NTRK3: variants seen among roughly 807,000 people sequenced by gnomAD.
NTRK3 encodes NT-3 growth factor receptor.
NTRK3 carries 24 observed loss-of-function variants against 91.7 expected under a neutral mutation model. That is an observed-to-expected ratio of 0.26 (90% CI 0.19 to 0.37). The LOEUF is 0.37. NTRK3 is among the 10% of genes least tolerant of loss of function. The pLI is 1.00. For synonymous variants in NTRK3, 483 were observed against 404.0 expected, an observed-to-expected ratio of 1.20 and a Z score of -2.34; for missense variants, 880 against 1,068.9, an observed-to-expected ratio of 0.82 and a Z score of 2.46.
chr15:88,025,690 C>T (rs1259474185), intron 14 of NTRK3, among the ~76,000 whole-genome samples: 1 of 152,180 alleles, frequency 6.6e-6, no homozygotes, highest in Non-Finnish European at 1.5e-5. Flanking sequence ...ACCTTGATTT[C>T]AGACTTTGGG....
chr15:88,230,587 T>C (rs961697079), intron 3 of NTRK3, among the ~76,000 whole-genome samples: 1 of 152,214 alleles, frequency 6.6e-6, no homozygotes, highest in African/African-American at 2.4e-5. Flanking sequence ...CATTTTAATT[T>C]TTCTCATTAT....
intron 13 of NTRK3, among the ~76,000 whole-genome samples, chr15:88,094,332 G>A (rs901926390): frequency 4.6e-5 from 7 of 151,852 alleles, no homozygotes; most frequent in East Asian, 1.9e-4. Context: ...AGCCGGGCGC[G>A]GTGGCGGGCG....
chr15:87,895,714 T>A (rs1040979872), intron 17 of NTRK3, among the ~76,000 whole-genome samples: 1 of 152,064 alleles, frequency 6.6e-6, no homozygotes, highest in Non-Finnish European at 1.5e-5. Context: ...ACCTGCTCGC[T>A]CTCTGAAGTC....
In NTRK3 at chr15:87,880,192, C is replaced by T. The variant is rs188320359; in HGVS notation, c.2292+78G>A. On this transcript the variant is annotated intron_variant, in intron 18 of 18. Transcript: ENST00000394480. ...TCTAAATCCCACCTAATGTCTTGTTCAGTAGGTCCAAGTTCTGGGCTGAGA... is the reference window on the plus strand; with the variant it reads ...TCTAAATCCCACCTAATGTCTTGTTTAGTAGGTCCAAGTTCTGGGCTGAGA... 2,691 of 1,579,830 alleles carry T rather than the reference C, an allele frequency of 1.7e-3. 8 individuals carry two copies. The highest frequency in any genetic ancestry group is 2.1e-3 in the Admixed American group (128 of 59,974).
chr15:88,235,282 G>A lies in NTRK3; in HGVS notation c.248+20624C>T, dbSNP rs1413501379. On this transcript the variant is annotated intron_variant, in intron 3 of 18. Transcript: ENST00000394480. This position sits in a 1 kb window ranked among gnomAD's most constrained non-coding sequence, Gnocchi z 5.2. ...ACCAACATGAATGAGTAAGGCCTGT[G>A]TCGCTGTCTACCCTACCCACAATAG... is the stretch of plus-strand genomic sequence containing the variant. 6.6e-6 allele frequency among the ~76,000 whole-genome samples: 1 copy of A among 152,196 alleles called. No homozygotes were observed. Among genetic ancestry groups the A allele is most frequent in the Non-Finnish European group, 1.5e-5 (1 of 68,036 alleles).
chr15:88,123,232 A>C (rs984418349), intron 13 of NTRK3, among the ~76,000 whole-genome samples: 1 of 152,172 alleles, frequency 6.6e-6, no homozygotes, highest in Non-Finnish European at 1.5e-5. Flanking sequence ...GGGAGGTAGT[A>C]TTATTACCAT....
intron 6 of NTRK3, among the ~76,000 whole-genome samples, chr15:88,145,342 G>A (rs2042791323): frequency 6.6e-6 from 1 of 152,176 alleles, no homozygotes; most frequent in African/African-American, 2.4e-5. Flanking sequence ...GCTCCTTAGA[G>A]GGGGGCTTCT....
At chr15:87,919,245 C>T (rs1016253956) in intron 17 of NTRK3, among the ~76,000 whole-genome samples, 2 of 152,188 alleles carry the variant, frequency 1.3e-5, no homozygotes, top group African/African-American at 2.4e-5. Context: ...TTGGCTTCTA[C>T]TCCTGCATTC....
exon 1 of NTRK3, chr15:88,256,720 C>T (rs2054088576): frequency 2.7e-6 from 1 of 366,134 alleles, no homozygotes; most frequent in Non-Finnish European, 4.8e-6. Flanking sequence ...CGCCGCGCGG[C>T]TGCAGAAATG....
chr15:88,071,247 G>A (rs1465686299), intron 13 of NTRK3, among the ~76,000 whole-genome samples: 1 of 152,220 alleles, frequency 6.6e-6, no homozygotes, highest in African/African-American at 2.4e-5. Flanking sequence ...AGAAGCGGGT[G>A]CTACTTTCCT....
chr15:88,009,780 A>G (rs1361980480), intron 14 of NTRK3, among the ~76,000 whole-genome samples: 4 of 152,242 alleles, frequency 2.6e-5, no homozygotes, highest in Non-Finnish European at 5.9e-5. Context: ...AGACTTTTCT[A>G]CTAGGACAGG....
intron 13 of NTRK3, among the ~76,000 whole-genome samples, chr15:88,069,683 T>C (rs980840183): frequency 1.3e-5 from 2 of 152,142 alleles, no homozygotes; most frequent in African/African-American, 4.8e-5. Flanking sequence ...TGAAGGAAAT[T>C]GGCACAGAAC....
intron 5 of NTRK3, among the ~76,000 whole-genome samples, chr15:88,152,257 C>G (rs889437853): frequency 6.6e-6 from 1 of 151,994 alleles, no homozygotes; most frequent in South Asian, 2.1e-4. Context: ...GCTGAGATTG[C>G]GCCATTGCAC....
chr15:88,126,537 A>G (rs1045969603), intron 12 of NTRK3, among the ~76,000 whole-genome samples, 164 bp from the exon 13 acceptor site: 1 of 152,106 alleles, frequency 6.6e-6, no homozygotes, highest in Non-Finnish European at 1.5e-5. Context: ...AATATATGAG[A>G]CCCTTAGAAC....
intron 14 of NTRK3, among the ~76,000 whole-genome samples, chr15:88,011,166 C>T (rs146336735): frequency 0.01 from 1,563 of 152,280 alleles, 17 homozygotes; most frequent in Non-Finnish European, 0.017. Context: ...CCTTCCACCC[C>T]ACTCATCCAG....
intron 3 of NTRK3, among the ~76,000 whole-genome samples, chr15:88,207,794 C>T (rs556219698): frequency 6.6e-6 from 1 of 152,304 alleles, no homozygotes; most frequent in South Asian, 2.1e-4. Context: ...CAGACCAGGG[C>T]CAGATGTGCT....
Position 88,136,141 on chromosome 15 carries a change from C to T in NTRK3, c.766-101G>A, listed in dbSNP as rs1336852147. On this transcript the variant is annotated intron_variant, in intron 8 of 18. Transcript: ENST00000394480. ...TTTAGGAATCAAAAGGAAAGCTGAG[C>T]GGAAGGCGAAGGAGATCTTTGTGTG... 1.6e-5 allele frequency: 23 copies of T among 1,459,792 alleles called. 1 individual carries two copies. The highest frequency in any genetic ancestry group is 1.7e-4 in the Middle Eastern group (1 of 5,768). 90.4% of individuals were successfully genotyped at this position (1,459,792 alleles called of 1,614,324 possible).
At chr15:88,201,361 C>A (rs554635398) in intron 3 of NTRK3, among the ~76,000 whole-genome samples, 1 of 152,198 alleles carries the variant, frequency 6.6e-6, no homozygotes, top group African/African-American at 2.4e-5. Context: ...CTACCACCCA[C>A]GGGTCTCATG....
chr15:87,876,744 A>C (rs2141432579), exon 19 of NTRK3: 1 of 447,302 alleles, frequency 2.2e-6, no homozygotes, highest in Admixed American at 3.3e-5. Context: ...TATATTTGCC[A>C]AACTGCCTTA....
Sources: gnomAD v4.1 joint callset for allele counts (sites outside exome capture counted in the v4.1 genomes callset) on GRCh38, gnomAD v4.1.1 for gene constraint, Gnocchi (gnomAD v3.1) non-coding constraint, MANE v1.5 for transcripts, NCBI Gene and HGNC (gene_info 2026-07-23, HGNC 2026-07-21) for gene names.